Variants in PDZRN4 observed in about 807,000 individuals in gnomAD.
The protein encoded by PDZRN4 is PDZ domain-containing RING finger protein 4.
In PDZRN4, 70 loss-of-function variants were observed where a neutral mutation model predicts 99.0. The ratio of observed to expected loss-of-function variants is 0.71; its 90% CI spans 0.58 to 0.86. The LOEUF is 0.86. Ranked by LOEUF, PDZRN4 falls within the 40% of genes least tolerant of loss-of-function variation. The pLI is 0.00. For synonymous variants in PDZRN4, 551 were observed against 501.6 expected (o/e 1.10, Z -1.32); for missense variants, 1,474 against 1,331.2 (o/e 1.11, Z -1.67).
Position 41,294,046 on chromosome 12 carries a change from T to C in PDZRN4, c.843+99858T>C, listed in dbSNP as rs368695902. 4.6e-5 allele frequency among the ~76,000 whole-genome samples: 7 copies of C among 152,336 alleles called. No individual in the cohort carries two copies. In the East Asian group the frequency reaches 5.8e-4, roughly 13 times the overall value. ...AAATAGGCTCAGAGTTTTATAGTTA[T>C]GTTGTTGTGGGGTTTTTGTTTTTGT... On this transcript the variant is annotated intron_variant, in intron 3 of 9. Coordinates refer to ENST00000402685, the MANE Select transcript of PDZRN4 (RefSeq NM_001164595.2).
intron 3 of PDZRN4, among the ~76,000 whole-genome samples, chr12:41,343,180 T>G (rs1159524377): frequency 1.3e-5 from 2 of 151,910 alleles, no homozygotes; most frequent in Non-Finnish European, 2.9e-5. Context: ...CTGGGAGGGT[T>G]GTATGCTTCC....
At chr12:41,270,350 T>G (rs1378557719) in intron 3 of PDZRN4, among the ~76,000 whole-genome samples, 4 of 146,016 alleles carry the variant, frequency 2.7e-5, no homozygotes, top group Admixed American at 6.9e-5. Context: ...GTGTGTGTAT[T>G]TAGAATTAGA....
intron 3 of PDZRN4, among the ~76,000 whole-genome samples, chr12:41,426,318 C>T (rs188903935): frequency 2.1e-4 from 32 of 152,294 alleles, no homozygotes; most frequent in Admixed American, 1.2e-3. Context: ...AAATCCCAGC[C>T]TGTCCCACAG....
chr12:41,571,507 T>C (rs1267214706), intron 9 of PDZRN4, among the ~76,000 whole-genome samples: 1 of 152,020 alleles, frequency 6.6e-6, no homozygotes, highest in Non-Finnish European at 1.5e-5. Flanking sequence ...CTGTTCAAAT[T>C]TTCATGGGAC....
chr12:41,506,791 C>T (rs1297866894), intron 4 of PDZRN4, 79 bp downstream of exon 4: 16 of 1,480,248 alleles, frequency 1.1e-5, no homozygotes, highest in Non-Finnish European at 1.4e-5. Context: ...GAAGCAGTTC[C>T]ACTAGCAGGT....
chr12:41,371,652 C>T (rs11180861), intron 3 of PDZRN4, among the ~76,000 whole-genome samples: 5,035 of 152,072 alleles, frequency 0.033, 119 homozygotes, highest in African/African-American at 0.071. Flanking sequence ...TTTTGGTTTT[C>T]GCTTTATTTT....
At position 41,260,557 on chromosome 12, in the gene PDZRN4, T is replaced by C. The variant is rs1010494976; in HGVS notation, c.843+66369T>C. On this transcript the variant is annotated intron_variant, in intron 3 of 9. Transcript: ENST00000402685. Reference sequence around the variant, plus strand: ...ACATAACAGCATTATGAAACTAAGGTTGCCTTATTTAAGTATTAGTAAAGA... The same window carrying C: ...ACATAACAGCATTATGAAACTAAGGCTGCCTTATTTAAGTATTAGTAAAGA... 5.3e-5 allele frequency among the ~76,000 whole-genome samples: 8 copies of C among 152,244 alleles called. 1 individual carries two copies. Among genetic ancestry groups the C allele is most frequent in the Admixed American group, 4.6e-4 (7 of 15,282 alleles).
At chr12:41,439,275 A>T (rs1314710481) in intron 3 of PDZRN4, among the ~76,000 whole-genome samples, 2 of 152,072 alleles carry the variant, frequency 1.3e-5, no homozygotes, top group African/African-American at 4.8e-5. Flanking sequence ...ACTTGCAAGG[A>T]TAGGCTAAAA....
At chr12:41,380,074 C>T (rs1027914243) in intron 3 of PDZRN4, among the ~76,000 whole-genome samples, 1 of 151,950 alleles carries the variant, frequency 6.6e-6, no homozygotes, top group African/African-American at 2.4e-5. Context: ...GATGAATTCA[C>T]CTCTTTAATA....
chr12:41,489,360 G>T (rs965774941), intron 3 of PDZRN4, among the ~76,000 whole-genome samples: 2 of 152,050 alleles, frequency 1.3e-5, no homozygotes, highest in African/African-American at 4.8e-5. Context: ...GAATTATCCA[G>T]CCCAAAATGC....
intron 3 of PDZRN4, among the ~76,000 whole-genome samples, chr12:41,460,267 C>T (rs1482579063): frequency 6.6e-6 from 1 of 152,114 alleles, no homozygotes; most frequent in Non-Finnish European, 1.5e-5. Context: ...TACAATATTG[C>T]ATATTAAATA....
At chr12:41,436,108 C>T (rs1952626883) in intron 3 of PDZRN4, among the ~76,000 whole-genome samples, 1 of 152,160 alleles carries the variant, frequency 6.6e-6, no homozygotes, top group Admixed American at 6.5e-5. Flanking sequence ...GGAATCAAGT[C>T]CTAAAATTAA....
rs376218769 is a variant in PDZRN4, at chr12:41,555,681, T to C, written c.1303-17T>C. 3.1e-6 allele frequency: 5 copies of C among 1,594,730 alleles called. No homozygotes were observed. Among genetic ancestry groups the C allele is most frequent in the Non-Finnish European group, 4.3e-6 (5 of 1,162,422 alleles). ...TGTTTCATACCCAGTTGAAGATGTA[T>C]GTCCTCTTCATTACAGGTTGACCCA... On this transcript the variant is annotated splice_polypyrimidine_tract_variant and intron_variant, in intron 6 of 9. Transcript: ENST00000402685.
In PDZRN4 at chr12:41,572,732, A is replaced by G; in HGVS notation, c.1953A>G (p.Thr651=). 6.2e-7 allele frequency: 1 copy of G among 1,614,148 alleles called. No homozygotes were observed. Among genetic ancestry groups the G allele is most frequent in the Non-Finnish European group, 8.5e-7 (1 of 1,180,012 alleles). The change falls in exon 10 of 10, where the codon ACA becomes ACG. Residue 651 remains threonine (T), a synonymous_variant. Transcript: ENST00000402685. ...ATGACCTGTATTACTCAAGCAGCAC[A>G]ATTGAATGCAATCAAGGGGAGCAAG... The part of the protein sequence containing the change: ...GEYDLYYSSS[T]IECNQGEQEG...
chr12:41,256,684 G>T (rs1053974588), intron 3 of PDZRN4, among the ~76,000 whole-genome samples: 1 of 152,142 alleles, frequency 6.6e-6, no homozygotes, highest in Admixed American at 6.5e-5. Flanking sequence ...CATTTGGCTG[G>T]ATCATGACTG....
intron 3 of PDZRN4, among the ~76,000 whole-genome samples, chr12:41,200,201 AG>A (rs1478595408): frequency 6.6e-6 from 1 of 152,126 alleles, no homozygotes; most frequent in Non-Finnish European, 1.5e-5. Flanking sequence ...GCTTCAGGAA[AG>A]GATGCAGGTG....
intron 3 of PDZRN4, among the ~76,000 whole-genome samples, chr12:41,279,367 G>A (rs1951369238): frequency 2.0e-5 from 3 of 152,296 alleles, no homozygotes; most frequent in Middle Eastern, 3.4e-3. Context: ...ACATGAAGTA[G>A]GCAGGCAGTT....
chr12:41,216,431 T>A (rs775036206), intron 3 of PDZRN4, among the ~76,000 whole-genome samples: 5 of 151,966 alleles, frequency 3.3e-5, no homozygotes, highest in Non-Finnish European at 5.9e-5. Context: ...ATGGGTAGGA[T>A]TTTAGAAGCT....
Position 41,573,304 on chromosome 12 carries a change from A to C in PDZRN4, c.2525A>C (p.Asn842Thr). The part of the protein sequence containing the change: ...PYHSSSYRYA[N>T]IPAHARHYQS... ...CACAGCTCCTCATATAGATATGCAA[A>C]CATCCCAGCACACGCCCGGCATTAT... The change falls in exon 10 of 10, where the codon AAC becomes ACC. Residue 842 changes from asparagine to threonine, a missense_variant. Transcript: ENST00000402685. 1 of 1,613,432 alleles carries C rather than the reference A, an allele frequency of 6.2e-7. No homozygotes were observed. Among genetic ancestry groups the C allele is most frequent in the African/African-American group, 1.3e-5 (1 of 75,024 alleles).
Sources: allele counts gnomAD v4.1 joint callset (sites outside exome capture counted in the v4.1 genomes callset), GRCh38; gene constraint gnomAD v4.1.1; transcripts MANE v1.5; gene names NCBI Gene and HGNC (gene_info 2026-07-23, HGNC 2026-07-21).